DIDO1: variants seen among roughly 807,000 people sequenced by gnomAD.
The protein encoded by DIDO1 is death inducer-obliterator 1.
Under a neutral mutation model 99.4 loss-of-function variants are expected in DIDO1, and 16 were observed. The ratio of observed to expected loss-of-function variants is 0.16; its 90% CI spans 0.11 to 0.24. DIDO1 has a LOEUF of 0.24. DIDO1 is among the 10% of genes least tolerant of loss of function. The pLI is 1.00. For missense variants in DIDO1, 2,996 were observed against 3,014.0 expected (o/e 0.99, Z 0.14); for synonymous variants, 1,366 against 1,239.1 (o/e 1.10, Z -2.15).
At position 62,880,879 on chromosome 20, in the gene DIDO1, T is replaced by C. The variant is rs1215358849; in HGVS notation, c.5077A>G (p.Lys1693Glu). Residue 1693 changes from lysine to glutamate, a missense_variant, in exon 16 of 16, where the codon AAG becomes GAG. Lys to Glu is a moderately conservative substitution (Grantham distance 56, BLOSUM62 1). Transcript: ENST00000395343. ...FTCPGFASQD[K>E]ALGSAQYEDP... is the part of the protein sequence containing the mutation. The stretch of plus-strand genomic sequence containing the variant: ...TCATACTGGGCTGAGCCGAGAGCCT[T>C]GTCCTGCGACGCGAACCCCGGGCAG... The C allele has an allele frequency of 6.2e-7, 1 of 1,612,384 alleles. No homozygotes were observed. Among genetic ancestry groups the C allele is most frequent in the East Asian group, 2.2e-5 (1 of 44,864 alleles).
chr20:62,907,336 T>C lies in DIDO1; in HGVS notation c.1185A>G (p.Ser395=). 6.2e-7 allele frequency: 1 copy of C among 1,614,172 alleles called. No homozygotes were observed. The highest frequency in any genetic ancestry group is 8.5e-7 in the Non-Finnish European group (1 of 1,180,054). ...GACAGCACCCGGGGCCAATACATTT[T>C]GAGGCACCAGGCGCCTCTATCACCT... ...FQPVIEAPGA[S]KCIGPGCCHV... is the part of the protein sequence containing the mutation. The change falls in exon 5 of 16, where the codon TCA becomes TCG. Residue 395 remains serine, a synonymous_variant. Transcript: ENST00000395343.
chr20:62,922,119 C>G (rs1464106153), intron 1 of DIDO1, among the ~76,000 whole-genome samples: 1 of 148,352 alleles, frequency 6.7e-6, no homozygotes, highest in Non-Finnish European at 1.5e-5. Context: ...TACACACACA[C>G]ACACACATAT....
At chr20:62,887,616 C>CA in intron 15 of DIDO1, 4 of 985,576 alleles carry the variant, frequency 4.1e-6, no homozygotes, top group Non-Finnish European at 4.8e-6. Flanking sequence ...CCTGCGGCTT[C>CA]ACGCGGAAAT....
At chr20:62,888,847 G>A (rs570950033) in intron 15 of DIDO1, 336 of 985,436 alleles carry the variant, frequency 3.4e-4, no homozygotes, top group Admixed American at 1.0e-3. Context: ...TCACGCACAC[G>A]CATTCATGTC....
chr20:62,896,545 C>T lies in DIDO1; in HGVS notation c.2040G>A (p.Glu680=), dbSNP rs1483756471. Residue 680 remains glutamate (E), a synonymous_variant, in exon 7 of 16, where the codon GAG becomes GAA. Transcript: ENST00000395343. This position sits in a 1 kb window ranked among gnomAD's most constrained non-coding sequence, Gnocchi z 4.4. ...GAACAGCCCACCTTTTCCACAAAAT[C>T]TCTTTTAAGGAGCGTCTGATATTTT... The part of the protein sequence containing the change: ...IRQNIRRSLK[E]ILWKRVNDSD... 1 of 1,583,138 alleles carries T rather than the reference C, an allele frequency of 6.3e-7. No homozygotes were observed. The highest frequency in any genetic ancestry group is 2.2e-5 in the East Asian group (1 of 44,516).
chr20:62,879,941 G>T lies in DIDO1; in HGVS notation c.6015C>A (p.Thr2005=), dbSNP rs777658265. The T allele has an allele frequency of 6.2e-7, 1 of 1,604,584 alleles. No homozygotes were observed. The highest frequency in any genetic ancestry group is 8.5e-7 in the Non-Finnish European group (1 of 1,176,914). The change falls in exon 16 of 16, where the codon ACC becomes ACA. Residue 2005 remains threonine (T), a synonymous_variant. Transcript: ENST00000395343. The surrounding 1 kb of genome is among the most constrained non-coding windows in gnomAD (Gnocchi z 6.3). The part of the protein sequence containing the change: ...SAPFSEKNEQ[T]PSRFHFQGQA... ...GGCCCTGGAAGTGAAATCGCGAAGG[G>T]GTCTGCTCATTTTTTTCAGAAAAGG...
intron 1 of DIDO1, among the ~76,000 whole-genome samples, chr20:62,933,833 C>G (rs2065354175): frequency 6.6e-6 from 1 of 152,198 alleles, no homozygotes; most frequent in Admixed American, 6.5e-5. Flanking sequence ...CCATTGCACT[C>G]CAGCCTGGGC....
intron 15 of DIDO1, chr20:62,890,502 T>C (rs1417032800): frequency 1.0e-6 from 1 of 992,608 alleles, no homozygotes; most frequent in Non-Finnish European, 1.2e-6. Flanking sequence ...TTTCTAGAAA[T>C]AGTTTTCTAT....
rs754735447 is a variant in DIDO1 at position 62,882,132 on chromosome 20, A to G, written c.3824T>C (p.Val1275Ala). Reference protein sequence around the residue: ...PPLPEPPVLKVLSSLKPAAPS... With the variant: ...PPLPEPPVLKALSSLKPAAPS... ...GGCTGCAGGTTTGAGGGATGACAGC[A>G]CTTTTAGCACCGGTGGTTCTGGAAG... Residue 1275 changes from valine to alanine, a missense_variant, in exon 16 of 16, where the codon GTG becomes GCG. Val to Ala is a moderately conservative substitution (Grantham distance 64). Around this residue, in one of 5 missense-constraint regions of DIDO1, gnomAD observed 1,562 missense variants for 1,412.6 expected, o/e 1.11. Coordinates refer to ENST00000395343, the MANE Select transcript of DIDO1 (RefSeq NM_001193369.2). The G allele has an allele frequency of 1.8e-5, 29 of 1,612,980 alleles. No individual in the cohort carries two copies. Among genetic ancestry groups the G allele is most frequent in the Non-Finnish European group, 2.3e-5 (27 of 1,180,032 alleles).
chr20:62,896,658 C>A lies in DIDO1; in HGVS notation c.1927G>T (p.Val643Leu). ...ALVGAVRKPVVPSVPMASPAP... is the reference protein window; with the variant it reads ...ALVGAVRKPVLPSVPMASPAP... ...GGCGAGGCCATTGGAACAGAAGGTA[C>A]CACTGGCTTCCTTACGGCTCCCACC... is the stretch of plus-strand genomic sequence containing the variant. The change falls in exon 7 of 16, where the codon GTA becomes TTA. Residue 643 changes from valine (V) to leucine (L), a missense_variant. Physicochemically the swap from Val to Leu is conservative, Grantham distance 32. This residue lies in a region of DIDO1 where 898 missense variants were observed against 972.7 expected (regional missense o/e 0.92). Transcript: ENST00000395343. This position sits in a 1 kb window ranked among gnomAD's most constrained non-coding sequence, Gnocchi z 4.4. 6.2e-7 allele frequency: 1 copy of A among 1,614,112 alleles called. No individual in the cohort carries two copies. The highest frequency in any genetic ancestry group is 1.3e-5 in the African/African-American group (1 of 75,074).
At chr20:62,886,278 T>C (rs2064296503) in intron 15 of DIDO1, among the ~76,000 whole-genome samples, 1 of 152,180 alleles carries the variant, frequency 6.6e-6, no homozygotes, top group Admixed American at 6.5e-5. Flanking sequence ...AACAAGGGTG[T>C]GGATGTTCCC....
intron 6 of DIDO1, among the ~76,000 whole-genome samples, chr20:62,900,218 C>T (rs1446697911): frequency 1.3e-5 from 2 of 152,240 alleles, no homozygotes; most frequent in South Asian, 2.1e-4. Context: ...GCCCCTTGGT[C>T]GCAGTGCTGT....
chr20:62,925,753 G>T (rs6011479), intron 1 of DIDO1, among the ~76,000 whole-genome samples: 6 of 152,202 alleles, frequency 3.9e-5, no homozygotes, highest in Admixed American at 6.5e-5. Flanking sequence ...GGGCCCTTTC[G>T]GCTTCCGGGG....
intron 1 of DIDO1, among the ~76,000 whole-genome samples, chr20:62,925,637 G>C (rs925827244): frequency 1.3e-5 from 2 of 152,212 alleles, no homozygotes; most frequent in Non-Finnish European, 2.9e-5. Context: ...CCTTTATTTA[G>C]AGCAGAAAAG....
At chr20:62,936,606 C>T (rs963157238) in intron 1 of DIDO1, among the ~76,000 whole-genome samples, 1 of 152,054 alleles carries the variant, frequency 6.6e-6, no homozygotes, top group Non-Finnish European at 1.5e-5. Context: ...TGGCTCACGC[C>T]TGTAATCCCA....
At chr20:62,903,081 C>A (rs2064719260) in intron 6 of DIDO1, among the ~76,000 whole-genome samples, 1 of 152,162 alleles carries the variant, frequency 6.6e-6, no homozygotes, top group Admixed American at 6.5e-5. Context: ...TATAAAACCA[C>A]AAAAGAAACA....
chr20:62,905,145 A>G (rs1006832753), intron 6 of DIDO1: 1 of 1,024,512 alleles, frequency 9.8e-7, no homozygotes, highest in Non-Finnish European at 1.2e-6. Flanking sequence ...TATGATCTTA[A>G]GAGTCTAAAC....
chr20:62,937,451 T>G (rs1157905499), intron 1 of DIDO1, among the ~76,000 whole-genome samples: 1 of 152,196 alleles, frequency 6.6e-6, no homozygotes, highest in Non-Finnish European at 1.5e-5. Context: ...TGGGGTCTCC[T>G]TTGTCCCGCG....
At chr20:62,912,905 G>T (rs1183590450) in intron 2 of DIDO1, among the ~76,000 whole-genome samples, 2 of 152,120 alleles carry the variant, frequency 1.3e-5, no homozygotes, top group Non-Finnish European at 2.9e-5. Flanking sequence ...GGTGGCAGGC[G>T]CCTGTAATCC....
Sources: allele counts gnomAD v4.1 joint callset (sites outside exome capture counted in the v4.1 genomes callset), GRCh38; gene constraint gnomAD v4.1.1; regional missense constraint gnomAD v4.1.1; non-coding constraint Gnocchi (gnomAD v3.1); transcripts MANE v1.5; gene names NCBI Gene and HGNC (gene_info 2026-07-23, HGNC 2026-07-21).